The following TBCK variants were observed in gnomAD, a reference collection of about 807,000 sequenced individuals.
TBCK encodes the protein TBC domain-containing protein kinase-like protein.
A neutral mutation model predicts 113.4 loss-of-function variants in TBCK; 99 were observed. The ratio of observed to expected loss-of-function variants is 0.87; its 90% CI spans 0.74 to 1.03. The LOEUF (loss-of-function observed/expected upper bound fraction) is 1.03, where lower values mean the gene tolerates loss of function less well. Ranked by LOEUF, TBCK falls within the 50% of genes least tolerant of loss-of-function variation. TBCK has a pLI of 0.00. For synonymous variants in TBCK, 369 were observed against 370.8 expected (o/e 1.00, Z 0.05); for missense variants, 1,045 against 1,061.3 (o/e 0.98, Z 0.21).
intron 2 of TBCK, among the ~76,000 whole-genome samples, chr4:106,297,966 A>G (rs148657888): frequency 2.0e-5 from 3 of 152,350 alleles, no homozygotes; most frequent in Admixed American, 2.0e-4. Context: ...CATAACAAGC[A>G]ATAGCTGATT....
chr4:106,173,526 C>G (rs1163657106), intron 22 of TBCK, among the ~76,000 whole-genome samples: 1 of 152,092 alleles, frequency 6.6e-6, no homozygotes, highest in Non-Finnish European at 1.5e-5. Flanking sequence ...GAAGGTGAGT[C>G]AGTGATCTAG....
chr4:106,275,105 AT>A (rs1358575747), intron 3 of TBCK, among the ~76,000 whole-genome samples: 5 of 152,180 alleles, frequency 3.3e-5, no homozygotes, highest in African/African-American at 1.2e-4. Context: ...ACAGAGCAGG[AT>A]CCTGTCACAC....
At chr4:106,081,776 T>A (rs555499411) in intron 25 of TBCK, among the ~76,000 whole-genome samples, 1 of 152,222 alleles carries the variant, frequency 6.6e-6, no homozygotes, top group East Asian at 1.9e-4. Context: ...AATATCCCAG[T>A]TTTAAAACTG....
rs766015531 is a variant in TBCK, at chr4:106,273,478, T to C, written c.267-11266A>G. Among the ~76,000 whole-genome samples, 115 of 152,220 alleles carry C rather than the reference T, an allele frequency of 7.6e-4. 2 individuals are homozygous for C. The highest frequency in any genetic ancestry group is 2.2e-4 in the Non-Finnish European group (15 of 68,044). On this transcript the variant is annotated intron_variant, in intron 3 of 25. Coordinates refer to ENST00000394708, the MANE Select transcript of TBCK (RefSeq NM_001163435.3). Reference sequence around the variant, plus strand: ...TTTTGTTTATTTGCTGGTTAGCTTGTCTGAAAGGAGGCCCCCAAAAAGATT... The same window carrying C: ...TTTTGTTTATTTGCTGGTTAGCTTGCCTGAAAGGAGGCCCCCAAAAAGATT...
At chr4:106,112,580 T>C (rs750395365) in intron 24 of TBCK, among the ~76,000 whole-genome samples, 12 of 152,206 alleles carry the variant, frequency 7.9e-5, no homozygotes, top group Non-Finnish European at 1.6e-4. Context: ...ATCAATATTG[T>C]TAGTGAGTCT....
chr4:106,264,822 T>C (rs891174839), intron 3 of TBCK, among the ~76,000 whole-genome samples: 2 of 151,972 alleles, frequency 1.3e-5, no homozygotes, highest in Non-Finnish European at 2.9e-5. Flanking sequence ...AATTGTTTCA[T>C]ACAGAGAGCA....
intron 24 of TBCK, among the ~76,000 whole-genome samples, chr4:106,097,771 T>TAA (rs1741098907): frequency 6.6e-6 from 1 of 152,100 alleles, no homozygotes; most frequent in Non-Finnish European, 1.5e-5. Flanking sequence ...GGTGAATACT[T>TAA]TTTTCACTTG....
chr4:106,141,021 C>T lies in TBCK; in HGVS notation c.2236-24643G>A, dbSNP rs894990176. Among the ~76,000 whole-genome samples the T allele has an allele frequency of 4.6e-4, 64 of 140,138 alleles. 7 individuals carry two copies. Among genetic ancestry groups the T allele is most frequent in the African/African-American group, 1.6e-3 (63 of 39,738 alleles). The allele number at this position is 140,138 out of a possible 152,430, so 91.9% of individuals were successfully genotyped here. A position where few individuals can be genotyped will look rare whatever the true frequency, so the allele number is the denominator to read the frequency against. On this transcript the variant is annotated intron_variant, in intron 23 of 25. Coordinates refer to ENST00000394708, the MANE Select transcript of TBCK (RefSeq NM_001163435.3). ...TGTTGATAAGATATATGATAAAACT[C>T]TCAAGAAATCAGAATGCATGATACT...
rs775720224 is a variant in TBCK, at chr4:106,232,953, G to C, written c.1624C>G (p.Leu542Val). The change falls in exon 17 of 26, where the codon CTT becomes GTT. Residue 542 changes from leucine (L) to valine (V), a missense_variant. Physicochemically the swap from Leu to Val is conservative, Grantham distance 32 (BLOSUM62 1). Transcript: ENST00000394708. Reference sequence around the variant, plus strand: ...CAAAAGTTACCTTGCCAATACACAAGATCAGGATGAGACACTACCCAGGCT... The same window carrying C: ...CAAAAGTTACCTTGCCAATACACAACATCAGGATGAGACACTACCCAGGCT... ...LKAWVVSHPD[L>V]VYWQGLDSLC... The C allele has an allele frequency of 6.2e-7, 1 of 1,611,468 alleles. No individual in the cohort carries two copies. Among genetic ancestry groups the C allele is most frequent in the Non-Finnish European group, 8.5e-7 (1 of 1,178,466 alleles).
In TBCK at chr4:106,091,508, G is replaced by A. The variant is rs138856658; in HGVS notation, c.2571+3974C>T. ...CCAGAGTTTGTTCCTTCTGATATTCGGATGTGTTTGGAGTTTCTTCCTTCT... is the reference window on the plus strand; with the variant it reads ...CCAGAGTTTGTTCCTTCTGATATTCAGATGTGTTTGGAGTTTCTTCCTTCT... On this transcript the variant is annotated intron_variant, in intron 25 of 25. Coordinates refer to ENST00000394708, the MANE Select transcript of TBCK (RefSeq NM_001163435.3). Among the ~76,000 whole-genome samples the A allele has an allele frequency of 5.2e-4, 79 of 152,174 alleles. No individual in the cohort carries two copies. In the East Asian group the frequency reaches 0.012, roughly 24 times the overall value.
intron 17 of TBCK, among the ~76,000 whole-genome samples, chr4:106,232,052 T>G (rs1758911133): frequency 6.6e-6 from 1 of 151,828 alleles, no homozygotes; most frequent in African/African-American, 2.4e-5. Flanking sequence ...AATGTTACAA[T>G]GCTTTGGATA....
chr4:106,092,276 C>T lies in TBCK; in HGVS notation c.2571+3206G>A, dbSNP rs1156419762. ...GTGCTGATTGGTGTATTTACAATCCCTTAGCTAGACATAAAGGTTCTCCAA... is the reference window on the plus strand; with the variant it reads ...GTGCTGATTGGTGTATTTACAATCCTTTAGCTAGACATAAAGGTTCTCCAA... On this transcript the variant is annotated intron_variant, in intron 25 of 25. Coordinates refer to ENST00000394708, the MANE Select transcript of TBCK (RefSeq NM_001163435.3). Among the ~76,000 whole-genome samples the T allele has an allele frequency of 2.6e-5, 4 of 152,348 alleles. No homozygotes were observed. In the East Asian group the frequency reaches 5.8e-4, roughly 22 times the overall value.
At chr4:106,289,184 T>C (rs1765420963) in intron 3 of TBCK, among the ~76,000 whole-genome samples, 1 of 152,192 alleles carries the variant, frequency 6.6e-6, no homozygotes, top group Non-Finnish European at 1.5e-5. Flanking sequence ...TCTTTTTGCA[T>C]AGGTGGACAT....
At chr4:106,305,567 G>T (rs1767429857) in intron 2 of TBCK, among the ~76,000 whole-genome samples, 2 of 151,998 alleles carry the variant, frequency 1.3e-5, no homozygotes, top group Admixed American at 6.6e-5. Context: ...CTGTCACCCA[G>T]GCTGGAGTGC....
At chr4:106,142,065 A>G (rs1223832876) in intron 23 of TBCK, among the ~76,000 whole-genome samples, 1 of 141,942 alleles carries the variant, frequency 7.0e-6, no homozygotes, top group African/African-American at 2.5e-5. Context: ...CCAAGAAAAT[A>G]AAGATTATTT....
intron 22 of TBCK, among the ~76,000 whole-genome samples, chr4:106,186,120 T>C (rs1041111997): frequency 1.3e-5 from 2 of 152,206 alleles, no homozygotes; most frequent in Non-Finnish European, 2.9e-5. Context: ...ATTTTCTTTA[T>C]GCAGTCCACC....
chr4:106,247,518 A>G (rs1760975184), intron 9 of TBCK: 1 of 390,170 alleles, frequency 2.6e-6, no homozygotes. Flanking sequence ...TGATGTATCA[A>G]AAATATCATT....
At chr4:106,270,651 A>G (rs1386320278) in intron 3 of TBCK, among the ~76,000 whole-genome samples, 1 of 152,204 alleles carries the variant, frequency 6.6e-6, no homozygotes, top group Non-Finnish European at 1.5e-5. Flanking sequence ...TTTGAGACCA[A>G]TTCACATTTT....
At chr4:106,131,685 AATGTGGAAGC>A (rs1284322802) in intron 23 of TBCK, among the ~76,000 whole-genome samples, 1 of 152,214 alleles carries the variant, frequency 6.6e-6, no homozygotes, top group African/African-American at 2.4e-5. Flanking sequence ...GATGCCCAAA[AATGTGGAAGC>A]AAGTTTGGAA....
Sources: allele counts gnomAD v4.1 joint callset (sites outside exome capture counted in the v4.1 genomes callset), GRCh38; gene constraint gnomAD v4.1.1; transcripts MANE v1.5; gene names NCBI Gene and HGNC (gene_info 2026-07-23, HGNC 2026-07-21).